Variants in TENT4B observed in about 807,000 individuals in gnomAD.
TENT4B encodes terminal nucleotidyltransferase 4B, also known as PAP associated domain containing 5.
In TENT4B, 10 loss-of-function variants were observed where a neutral mutation model predicts 75.0. That is an observed-to-expected ratio of 0.13 (90% CI 0.08 to 0.23). The LOEUF (loss-of-function observed/expected upper bound fraction) is 0.23. Ranked by LOEUF, TENT4B falls within the 10% of genes least tolerant of loss-of-function variation. The pLI, the probability that TENT4B is intolerant of heterozygous loss-of-function variation, is 1.00. For synonymous variants in TENT4B, 350 were observed against 357.7 expected, an observed-to-expected ratio of 0.98 and a Z score of 0.24; for missense variants, 579 against 893.8, an observed-to-expected ratio of 0.65 and a Z score of 4.49.
chr16:50,204,585 A>G (rs1467062730), intron 1 of TENT4B, among the ~76,000 whole-genome samples: 1 of 152,160 alleles, frequency 6.6e-6, no homozygotes, highest in Non-Finnish European at 1.5e-5. Context: ...ATCCATCTGC[A>G]GTCTCCTGAA....
rs1388777183 is a variant in TENT4B at position 50,229,976 on chromosome 16, T to C, written c.*648T>C. 2.1e-6 allele frequency: 2 copies of C among 953,488 alleles called. No homozygotes were observed. The highest frequency in any genetic ancestry group is 9.7e-5 in the South Asian group (2 of 20,632). The allele number at this position is 953,488 out of a possible 1,614,324, so 59.1% of individuals were successfully genotyped here. On this transcript the variant is annotated 3_prime_UTR_variant, in exon 12 of 12. Transcript: ENST00000561678. ...ATCTAAATTGTCATCTTAACATCCA[T>C]ATATAGGGAAGTGATTAGTTCTATT...
At chr16:50,178,141 A>C (rs1452683286) in intron 1 of TENT4B, among the ~76,000 whole-genome samples, 1 of 80,418 alleles carries the variant, frequency 1.2e-5, no homozygotes, top group Non-Finnish European at 2.7e-5. Context: ...AAGGTGGTCT[A>C]CTTTTTTTTT....
chr16:50,153,507 A>G lies in TENT4B; in HGVS notation c.-115A>G, dbSNP rs1003551224. On this transcript the variant is annotated 5_prime_UTR_variant, in exon 1 of 12. Coordinates refer to ENST00000561678, the MANE Select transcript of TENT4B (RefSeq NM_001365324.3). Reference sequence around the variant, plus strand: ...GGCCCCGAGCAGCAGCAGCAGCAGCAGCGGCAGCAGCGGCAGCAGCAGCAG... The same window carrying G: ...GGCCCCGAGCAGCAGCAGCAGCAGCGGCGGCAGCAGCGGCAGCAGCAGCAG... 125 of 353,910 alleles carry G rather than the reference A, an allele frequency of 3.5e-4. No individual in the cohort carries two copies. The highest frequency in any genetic ancestry group is 4.6e-4 in the Non-Finnish European group (117 of 254,812). The allele number at this position is 353,910 out of a possible 1,614,324, so 21.9% of individuals were successfully genotyped here. A position where few individuals can be genotyped will look rare whatever the true frequency, so the allele number is the denominator to read the frequency against.
Position 50,231,633 on chromosome 16 carries a change from A to G in TENT4B, c.*2305A>G. ...GTTTTCGTAAATTTATTGGGAAAATAGTTTTTCCTGTACTGCTGAAGTTTC... is the reference window on the plus strand; with the variant it reads ...GTTTTCGTAAATTTATTGGGAAAATGGTTTTTCCTGTACTGCTGAAGTTTC... On this transcript the variant is annotated 3_prime_UTR_variant, in exon 12 of 12. Transcript: ENST00000561678. 1 of 985,842 alleles carries G rather than the reference A, an allele frequency of 1.0e-6. No homozygotes were observed. 61.1% of individuals were successfully genotyped at this position (985,842 alleles called of 1,614,324 possible).
chr16:50,216,593 T>C (rs1596739468), intron 4 of TENT4B, among the ~76,000 whole-genome samples: 1 of 152,218 alleles, frequency 6.6e-6, no homozygotes, highest in South Asian at 2.1e-4. Flanking sequence ...ATTACAGGCG[T>C]GAGCCACTGC....
intron 2 of TENT4B, 30 bp downstream of exon 2, chr16:50,211,476 C>A: frequency 6.5e-7 from 1 of 1,539,976 alleles, no homozygotes; most frequent in Non-Finnish European, 8.7e-7. Context: ...GCTTATGCTT[C>A]GGACAGTCCT....
chr16:50,158,268 G>A (rs1477180034), intron 1 of TENT4B, among the ~76,000 whole-genome samples: 1 of 152,034 alleles, frequency 6.6e-6, no homozygotes, highest in Non-Finnish European at 1.5e-5. Flanking sequence ...TGTATTTTTA[G>A]TAGAGATGGG....
chr16:50,165,172 A>T (rs1173112964), intron 1 of TENT4B, among the ~76,000 whole-genome samples: 1 of 151,596 alleles, frequency 6.6e-6, no homozygotes. Flanking sequence ...GTACATATGT[A>T]TGTGATATTC....
intron 1 of TENT4B, among the ~76,000 whole-genome samples, chr16:50,179,543 A>C (rs566468454): frequency 6.6e-6 from 1 of 152,268 alleles, no homozygotes; most frequent in East Asian, 1.9e-4. Flanking sequence ...TGTATATATG[A>C]GGTTAATCTG....
At chr16:50,178,881 G>A (rs1877622471) in intron 1 of TENT4B, among the ~76,000 whole-genome samples, 1 of 151,992 alleles carries the variant, frequency 6.6e-6, no homozygotes, top group Admixed American at 6.6e-5. Flanking sequence ...TTATGGAGGT[G>A]GATGGTGGTG....
At chr16:50,227,780 G>C in intron 10 of TENT4B, 59 bp from the exon 11 acceptor site, 1 of 1,571,574 alleles carries the variant, frequency 6.4e-7, no homozygotes, top group Admixed American at 1.7e-5. Flanking sequence ...TTTTCTTTCT[G>C]AATATTGAGT....
At chr16:50,194,360 C>G (rs2030067819) in intron 1 of TENT4B, among the ~76,000 whole-genome samples, 1 of 151,950 alleles carries the variant, frequency 6.6e-6, no homozygotes, top group Non-Finnish European at 1.5e-5. Flanking sequence ...AGATTACAGG[C>G]ACCTGCCATC....
At chr16:50,201,155 A>G (rs1314829808) in intron 1 of TENT4B, among the ~76,000 whole-genome samples, 1 of 152,196 alleles carries the variant, frequency 6.6e-6, no homozygotes, top group African/African-American at 2.4e-5. Context: ...CATAAAAGTC[A>G]GTCTACATTT....
At chr16:50,168,266 T>C (rs2038141156) in intron 1 of TENT4B, among the ~76,000 whole-genome samples, 1 of 152,142 alleles carries the variant, frequency 6.6e-6, no homozygotes, top group South Asian at 2.1e-4. Context: ...CTTTTTCTTA[T>C]TAATTTGTAA....
At position 50,230,527 on chromosome 16, in the gene TENT4B, CTA is replaced by C. The variant is rs2032257261; in HGVS notation, c.*1201_*1202del. The C allele has an allele frequency of 4.1e-6, 4 of 976,354 alleles. No homozygotes were observed. The highest frequency in any genetic ancestry group is 2.4e-6 in the Non-Finnish European group (2 of 821,520). The allele number at this position is 976,354 out of a possible 1,614,324, so 60.5% of individuals were successfully genotyped here. A position where few individuals can be genotyped will look rare whatever the true frequency, so the allele number is the denominator to read the frequency against. On this transcript the variant is annotated 3_prime_UTR_variant, in exon 12 of 12. Coordinates refer to ENST00000561678, the MANE Select transcript of TENT4B (RefSeq NM_001365324.3). ...AAAAACTATTTTCTTATATTCCACTCTATGCTTTTGGTATTGTTGATCTTTAC... is the reference window on the plus strand; with the variant it reads ...AAAAACTATTTTCTTATATTCCACTCTGCTTTTGGTATTGTTGATCTTTAC...
chr16:50,213,032 G>A (rs910535216), intron 2 of TENT4B, among the ~76,000 whole-genome samples: 1 of 152,160 alleles, frequency 6.6e-6, no homozygotes, highest in Middle Eastern at 3.4e-3. Flanking sequence ...GGTCCATCTC[G>A]CCTCAGAGGT....
intron 1 of TENT4B, among the ~76,000 whole-genome samples, chr16:50,174,120 C>CA (rs1457860389): frequency 1.3e-5 from 2 of 151,972 alleles, no homozygotes; most frequent in Non-Finnish European, 2.9e-5. Flanking sequence ...TTTTTTGAGA[C>CA]AGAGTCTTGC....
chr16:50,226,964 C>G (rs2032085390), intron 10 of TENT4B, among the ~76,000 whole-genome samples: 1 of 152,164 alleles, frequency 6.6e-6, no homozygotes, highest in African/African-American at 2.4e-5. Context: ...TTTGTTCCCC[C>G]ATCCTGATAG....
At chr16:50,226,862 A>G (rs976342713) in intron 10 of TENT4B, among the ~76,000 whole-genome samples, 4 of 152,212 alleles carry the variant, frequency 2.6e-5, no homozygotes, top group Non-Finnish European at 4.4e-5. Context: ...GAAACCCTGC[A>G]TTTAGCAGTA....
Sources: gnomAD v4.1 joint callset for allele counts (sites outside exome capture counted in the v4.1 genomes callset) on GRCh38, gnomAD v4.1.1 for gene constraint, MANE v1.5 for transcripts, NCBI Gene and HGNC (gene_info 2026-07-23, HGNC 2026-07-21) for gene names.